The following UBE3D variants were observed in gnomAD, a reference collection of about 807,000 sequenced individuals.
UBE3D encodes E3 ubiquitin-protein ligase E3D.
A neutral mutation model predicts 49.6 loss-of-function variants in UBE3D; 48 were observed. The ratio of observed to expected loss-of-function variants is 0.97; its 90% CI spans 0.77 to 1.23. The LOEUF (loss-of-function observed/expected upper bound fraction) is 1.23. Ranked by LOEUF, UBE3D falls within the 50% of genes most tolerant of loss-of-function variation. The pLI is 0.00. For synonymous variants in UBE3D, 189 were observed against 174.2 expected (o/e 1.08, Z -0.67); for missense variants, 452 against 468.4 (o/e 0.96, Z 0.32).
At chr6:82,944,101 G>C (rs999793441) in intron 9 of UBE3D, among the ~76,000 whole-genome samples, 2 of 152,018 alleles carry the variant, frequency 1.3e-5, no homozygotes, top group African/African-American at 4.8e-5. Context: ...AGTGGACTTG[G>C]GGGTGATGCA....
intron 3 of UBE3D, among the ~76,000 whole-genome samples, chr6:83,045,734 C>T (rs1214643639): frequency 6.6e-6 from 1 of 152,066 alleles, no homozygotes; most frequent in Non-Finnish European, 1.5e-5. Flanking sequence ...CCCAGATGGA[C>T]CTAAACTTAC....
At chr6:83,032,822 T>G (rs1436665698) in intron 5 of UBE3D, among the ~76,000 whole-genome samples, 1 of 152,068 alleles carries the variant, frequency 6.6e-6, no homozygotes, top group Non-Finnish European at 1.5e-5. Context: ...GACCTGATGG[T>G]TTTATAAAGG....
downstream of UBE3D, among the ~76,000 whole-genome samples, chr6:82,890,205 A>G (rs1325778886): frequency 6.6e-6 from 1 of 152,122 alleles, no homozygotes; most frequent in African/African-American, 2.4e-5. Flanking sequence ...TGAAATTTAA[A>G]TGTCTTTAAT....
intron 7 of UBE3D, among the ~76,000 whole-genome samples, chr6:83,022,219 GT>G (rs959812612): frequency 2.0e-5 from 3 of 152,128 alleles, no homozygotes; most frequent in Non-Finnish European, 4.4e-5. Flanking sequence ...TAGAGATGGG[GT>G]TTCCCCATGT....
At chr6:82,911,215 A>AC (rs1483824321) in intron 9 of UBE3D, among the ~76,000 whole-genome samples, 2 of 149,930 alleles carry the variant, frequency 1.3e-5, no homozygotes, top group African/African-American at 5.0e-5. Context: ...AAAAAAAAAA[A>AC]AAAAAAAACT....
chr6:82,931,808 G>T lies in UBE3D; in HGVS notation c.1149+25504C>A, dbSNP rs574633196. On this transcript the variant is annotated intron_variant, in intron 9 of 9. Transcript: ENST00000369747. ...TATCTCAGATGAGACTTTGGACTCG[G>T]ATTGGGTTTTGAAATGTGAGTACAT... 3.3e-5 allele frequency among the ~76,000 whole-genome samples: 5 copies of T among 152,284 alleles called. No homozygotes were observed. In the South Asian group the frequency reaches 6.2e-4, roughly 19 times the overall value.
intron 8 of UBE3D, among the ~76,000 whole-genome samples, chr6:82,980,946 C>T (rs1397801506): frequency 1.3e-5 from 2 of 151,922 alleles, no homozygotes; most frequent in African/African-American, 4.8e-5. Flanking sequence ...TACCATGTTC[C>T]CACAGTGATT....
At chr6:82,997,088 C>A (rs1285644352) in intron 8 of UBE3D, among the ~76,000 whole-genome samples, 1 of 152,062 alleles carries the variant, frequency 6.6e-6, no homozygotes, top group Non-Finnish European at 1.5e-5. Flanking sequence ...TTCTAAATTA[C>A]TTCTAAATTT....
chr6:82,973,171 T>A (rs10498935), intron 8 of UBE3D, among the ~76,000 whole-genome samples: 25,116 of 152,110 alleles, frequency 0.17, 2,145 homozygotes, highest in African/African-American at 0.2. Context: ...ATTTCCCAAG[T>A]TATTTGGCAT....
chr6:82,984,649 T>C (rs1778336471), intron 8 of UBE3D, among the ~76,000 whole-genome samples: 1 of 152,200 alleles, frequency 6.6e-6, no homozygotes, highest in East Asian at 1.9e-4. Context: ...GGGTATCTTT[T>C]TATATGTTTA....
rs906322850 is a variant in UBE3D at position 82,939,395 on chromosome 6, T to G, written c.1149+17917A>C. On this transcript the variant is annotated intron_variant, in intron 9 of 9. Transcript: ENST00000369747. ...TACCACATCGTCTATCGTGGGTACA[T>G]ACAGTCATGAGCTGCATAATGATGT... 3.3e-5 allele frequency among the ~76,000 whole-genome samples: 5 copies of G among 152,258 alleles called. 1 individual carries two copies. Among genetic ancestry groups the G allele is most frequent in the African/African-American group, 1.2e-4 (5 of 41,466 alleles).
Position 82,892,867 on chromosome 6 carries a change from G to A in UBE3D, c.*155C>T, listed in dbSNP as rs1267826868. On this transcript the variant is annotated 3_prime_UTR_variant, in exon 10 of 10. Transcript: ENST00000369747. ...TTAACTCTTCTCTTAGAGAATACAT[G>A]CAAACAAGTAAACTTAAAACTTCAA... is the stretch of plus-strand genomic sequence containing the variant. 32 of 877,952 alleles carry A rather than the reference G, an allele frequency of 3.6e-5. No homozygotes were observed. Among genetic ancestry groups the A allele is most frequent in the Non-Finnish European group, 3.9e-5 (21 of 538,210 alleles). The allele number at this position is 877,952 out of a possible 1,614,324, so 54.4% of individuals were successfully genotyped here.
chr6:82,913,095 A>T (rs1179787274), intron 9 of UBE3D, among the ~76,000 whole-genome samples: 6 of 152,218 alleles, frequency 3.9e-5, no homozygotes, highest in South Asian at 2.1e-4. Context: ...GAATCAAATA[A>T]CCTGTGCTTA....
At chr6:83,014,477 T>C (rs944018606) in intron 8 of UBE3D, among the ~76,000 whole-genome samples, 2 of 152,166 alleles carry the variant, frequency 1.3e-5, no homozygotes, top group South Asian at 2.1e-4. Flanking sequence ...ACTAGGGAAA[T>C]GACCACAGGA....
At chr6:82,946,337 A>AC (rs1202216455) in intron 9 of UBE3D, among the ~76,000 whole-genome samples, 1 of 152,160 alleles carries the variant, frequency 6.6e-6, no homozygotes, top group Non-Finnish European at 1.5e-5. Flanking sequence ...CTTACAGGCC[A>AC]GGAGAGAGTG....
At chr6:82,978,025 A>C (rs1314462607) in intron 8 of UBE3D, among the ~76,000 whole-genome samples, 2 of 152,014 alleles carry the variant, frequency 1.3e-5, no homozygotes. Flanking sequence ...CTGGCACACT[A>C]ATCTCAGAAA....
intron 9 of UBE3D, among the ~76,000 whole-genome samples, chr6:82,935,300 T>C (rs1774485685): frequency 6.6e-6 from 1 of 152,022 alleles, no homozygotes. Context: ...GAGTGCTCAC[T>C]TATCACCAAG....
rs576900306 is a variant in UBE3D, at chr6:82,942,332, A to G, written c.1149+14980T>C. ...TTAAAGGGGAAGCAGAGCATAAAAG[A>G]TTGGAAAATTTGCAGCCTGACAATG... On this transcript the variant is annotated intron_variant, in intron 9 of 9. Transcript: ENST00000369747. Among the ~76,000 whole-genome samples, 163 of 152,344 alleles carry G rather than the reference A, an allele frequency of 1.1e-3. 4 individuals carry two copies. The South Asian group carries it at 0.022, about 20-fold the overall frequency.
chr6:83,031,182 A>T (rs188772259), intron 5 of UBE3D, among the ~76,000 whole-genome samples: 2 of 152,170 alleles, frequency 1.3e-5, no homozygotes, highest in African/African-American at 4.8e-5. Flanking sequence ...TAATATTTGT[A>T]TTTTTTGGTA....
Sources: allele counts gnomAD v4.1 joint callset (sites outside exome capture counted in the v4.1 genomes callset), GRCh38; gene constraint gnomAD v4.1.1; transcripts MANE v1.5; gene names NCBI Gene and HGNC (gene_info 2026-07-23, HGNC 2026-07-21).